Variants in GPBP1 observed in about 807,000 individuals in gnomAD.
GPBP1 encodes GC-rich promoter binding protein 1.
In GPBP1, 13 loss-of-function variants were observed where a neutral mutation model predicts 56.5. The observed-to-expected ratio is 0.23, with a 90% CI of 0.15 to 0.37. The LOEUF is 0.37. Ranked by LOEUF, GPBP1 falls within the 10% of genes least tolerant of loss-of-function variation. GPBP1 has a pLI of 1.00. For missense variants in GPBP1, 477 were observed against 572.3 expected (o/e 0.83, Z 1.70); for synonymous variants, 204 against 188.9 (o/e 1.08, Z -0.66).
intron 2 of GPBP1, among the ~76,000 whole-genome samples, chr5:57,200,926 C>A (rs1017134326): frequency 3.3e-5 from 5 of 152,210 alleles, no homozygotes; most frequent in African/African-American, 4.8e-5. Context: ...GATTCGCCCA[C>A]CTCGGCCTCC....
At chr5:57,251,846 A>G (rs1741407232) in intron 10 of GPBP1, among the ~76,000 whole-genome samples, 2 of 152,144 alleles carry the variant, frequency 1.3e-5, no homozygotes, top group South Asian at 2.1e-4. Context: ...TTACCAACAC[A>G]TGGTACCATC....
chr5:57,246,620 C>CCTTG, intron 7 of GPBP1, 136 bp downstream of exon 7: 1 of 601,716 alleles, frequency 1.7e-6, no homozygotes, highest in East Asian at 2.8e-5. Flanking sequence ...CAAGAGTTGA[C>CCTTG]CCATATGTGC....
At chr5:57,218,243 G>A (rs1235838261) in intron 3 of GPBP1, among the ~76,000 whole-genome samples, 1 of 152,048 alleles carries the variant, frequency 6.6e-6, no homozygotes, top group Non-Finnish European at 1.5e-5. Context: ...GATCCCACAG[G>A]TTAAATGTTC....
Position 57,263,321 on chromosome 5 carries a change from A to G in GPBP1, c.*569A>G, listed in dbSNP as rs1294560536. 1 of 152,216 alleles carries G rather than the reference A, an allele frequency of 6.6e-6. No homozygotes were observed. Among genetic ancestry groups the G allele is most frequent in the Non-Finnish European group, 1.5e-5 (1 of 68,044 alleles). 9.4% of individuals were successfully genotyped at this position (152,216 alleles called of 1,614,324 possible). On this transcript the variant is annotated 3_prime_UTR_variant, in exon 12 of 12. Transcript: ENST00000506184. The stretch of plus-strand genomic sequence containing the variant: ...ATTTCCTGAACTCACCTGTTGTACT[A>G]TTCACCTTTTAAACCATAAATTGCT...
intron 2 of GPBP1, among the ~76,000 whole-genome samples, chr5:57,199,728 T>C (rs1754916813): frequency 6.6e-6 from 1 of 152,104 alleles, no homozygotes; most frequent in Non-Finnish European, 1.5e-5. Flanking sequence ...CTTCCAGATA[T>C]GTAATCGTCA....
Position 57,214,076 on chromosome 5 carries a change from A to G in GPBP1, c.-55A>G. 1 of 1,419,942 alleles carries G rather than the reference A, an allele frequency of 7.0e-7. No individual in the cohort carries two copies. Among genetic ancestry groups the G allele is most frequent in the Non-Finnish European group, 1.0e-6 (1 of 1,004,240 alleles). 88.0% of individuals were successfully genotyped at this position (1,419,942 alleles called of 1,614,324 possible). The stretch of plus-strand genomic sequence containing the variant: ...TTCCTTCCATTTTTATGTGACAGGG[A>G]CTTGCCATGAGGTGTTGAAGCCTTG... On this transcript the variant is annotated splice_region_variant and 5_prime_UTR_variant, in exon 3 of 12. Transcript: ENST00000506184.
At chr5:57,239,684 G>T (rs1382024040) in intron 6 of GPBP1, among the ~76,000 whole-genome samples, 4 of 152,126 alleles carry the variant, frequency 2.6e-5, no homozygotes, top group African/African-American at 4.8e-5. Context: ...GGAGGCTGAG[G>T]CATGAAAATC....
chr5:57,236,818 CAT>C (rs1275739946), intron 6 of GPBP1, among the ~76,000 whole-genome samples: 1 of 152,102 alleles, frequency 6.6e-6, no homozygotes, highest in African/African-American at 2.4e-5. Flanking sequence ...AACTTAAACA[CAT>C]GTTCATTTGT....
In GPBP1 at chr5:57,175,849, C is replaced by A. The variant is rs547555741; in HGVS notation, c.-609C>A. 2 of 396,182 alleles carry A rather than the reference C, an allele frequency of 5.0e-6. No homozygotes were observed. Among genetic ancestry groups the A allele is most frequent in the African/African-American group, 2.1e-5 (1 of 48,572 alleles). 24.5% of individuals were successfully genotyped at this position (396,182 alleles called of 1,614,324 possible). A position where few individuals can be genotyped will look rare whatever the true frequency, so the allele number is the denominator to read the frequency against. Reference sequence around the variant, plus strand: ...GAAGTTTCATGGCAGTTTATTTTTACCTTTATTGAAAGTTTTAGGAATTTT... The same window carrying A: ...GAAGTTTCATGGCAGTTTATTTTTAACTTTATTGAAAGTTTTAGGAATTTT... On this transcript the variant is annotated 5_prime_UTR_variant, in exon 2 of 12. An upstream open reading frame in the 5' UTR gains an earlier in-frame stop. Transcript: ENST00000506184.
intron 5 of GPBP1, among the ~76,000 whole-genome samples, chr5:57,231,846 C>G (rs1756474893): frequency 6.6e-6 from 1 of 152,112 alleles, no homozygotes; most frequent in South Asian, 2.1e-4. Context: ...TTTCTGTTCT[C>G]TAAGCAAGTA....
At chr5:57,187,952 A>T (rs1239066642) in intron 2 of GPBP1, among the ~76,000 whole-genome samples, 5 of 151,876 alleles carry the variant, frequency 3.3e-5, no homozygotes, top group African/African-American at 1.2e-4. Context: ...TGACATTTAA[A>T]ATTATCGAGG....
chr5:57,248,610 AT>A (rs1216967792), intron 8 of GPBP1, among the ~76,000 whole-genome samples: 1 of 151,412 alleles, frequency 6.6e-6, no homozygotes, highest in Non-Finnish European at 1.5e-5. Context: ...ATTTTTTTGT[AT>A]TTTTAGTAGA....
chr5:57,228,306 T>C (rs1326054123), intron 3 of GPBP1, among the ~76,000 whole-genome samples: 11 of 151,968 alleles, frequency 7.2e-5, no homozygotes, highest in Non-Finnish European at 1.6e-4. Context: ...AGTACAAAAA[T>C]TAGCCAGGTG....
At chr5:57,201,245 C>T (rs1755008472) in intron 2 of GPBP1, among the ~76,000 whole-genome samples, 1 of 152,198 alleles carries the variant, frequency 6.6e-6, no homozygotes, top group Non-Finnish European at 1.5e-5. Context: ...TCTGCCTCAG[C>T]CTCTTGAGAA....
intron 2 of GPBP1, among the ~76,000 whole-genome samples, chr5:57,195,189 T>G (rs541962754): frequency 6.6e-6 from 1 of 152,216 alleles, no homozygotes; most frequent in South Asian, 2.1e-4. Flanking sequence ...TGAGACAGGG[T>G]TTATTGCCCA....
rs1741972811 is a variant in GPBP1 at position 57,263,132 on chromosome 5, A to AGAGTCATAT, written c.*380_*381insGAGTCATAT. On this transcript the variant is annotated 3_prime_UTR_variant, in exon 12 of 12. Coordinates refer to ENST00000506184, the MANE Select transcript of GPBP1 (RefSeq NM_022913.4). ...GGTCTTAAGAAAAAAGGCAGCTTAC[A>AGAGTCATAT]CTGTTTTGCTTGCAGAGTCATATCT... is the stretch of plus-strand genomic sequence containing the variant. The AGAGTCATAT allele has an allele frequency of 1.3e-5, 2 of 156,874 alleles. No individual in the cohort carries two copies. The highest frequency in any genetic ancestry group is 2.8e-5 in the Non-Finnish European group (2 of 71,080). The allele number at this position is 156,874 out of a possible 1,614,324, so 9.7% of individuals were successfully genotyped here.
chr5:57,213,561 C>G (rs1392383832), intron 2 of GPBP1, among the ~76,000 whole-genome samples: 1 of 151,740 alleles, frequency 6.6e-6, no homozygotes, highest in African/African-American at 2.4e-5. Context: ...GAAACCAGTT[C>G]ATTTAACCTT....
chr5:57,197,607 C>T lies in GPBP1; in HGVS notation c.-57-16467C>T, dbSNP rs778077272. Among the ~76,000 whole-genome samples the T allele has an allele frequency of 9.2e-5, 14 of 152,158 alleles. No homozygotes were observed. In the South Asian group the frequency reaches 1.2e-3, roughly 13 times the overall value. ...CTCCTGACCTCAGGTGATCCACCCA[C>T]GTCAGCCTCTCAAAGTGCTGGGATT... On this transcript the variant is annotated intron_variant, in intron 2 of 11. Coordinates refer to ENST00000506184, the MANE Select transcript of GPBP1 (RefSeq NM_022913.4).
chr5:57,234,566 A>G (rs1413641053), intron 5 of GPBP1, among the ~76,000 whole-genome samples: 1 of 151,874 alleles, frequency 6.6e-6, no homozygotes, highest in Non-Finnish European at 1.5e-5. Flanking sequence ...AGCAAGACCC[A>G]TTATCTACAA....
Sources: allele counts gnomAD v4.1 joint callset (sites outside exome capture counted in the v4.1 genomes callset), GRCh38; gene constraint gnomAD v4.1.1; transcripts MANE v1.5; gene names NCBI Gene and HGNC (gene_info 2026-07-23, HGNC 2026-07-21).